The following KHDC1 variants were observed in gnomAD, a reference collection of about 807,000 sequenced individuals.
KHDC1 encodes KH homology domain-containing protein 1.
KHDC1 carries 21 observed loss-of-function variants against 24.7 expected under a neutral mutation model. The ratio of observed to expected loss-of-function variants is 0.85; its 90% CI spans 0.60 to 1.23. The LOEUF is 1.23. Ranked by LOEUF, KHDC1 falls within the 50% of genes most tolerant of loss-of-function variation. KHDC1 has a pLI of 0.00. For missense variants in KHDC1, 274 were observed against 298.5 expected (o/e 0.92, Z 0.61); for synonymous variants, 98 against 111.7 (o/e 0.88, Z 0.77).
At chr6:73,291,930 T>G in intron 2 of KHDC1, 1 of 1,546,580 alleles carries the variant, frequency 6.5e-7, no homozygotes, top group African/African-American at 1.4e-5. Context: ...AAAAATTTAA[T>G]TCTCTAGCAC....
chr6:73,242,876 C>T (rs562690829), intron 2 of KHDC1, among the ~76,000 whole-genome samples: 1 of 152,240 alleles, frequency 6.6e-6, no homozygotes, highest in African/African-American at 2.4e-5. Context: ...CAAGAAGGCT[C>T]CAAATGGGCT....
intron 2 of KHDC1, among the ~76,000 whole-genome samples, chr6:73,286,882 CAA>C (rs34820901): frequency 7.1e-6 from 1 of 141,684 alleles, no homozygotes. Context: ...GACTCTGTCT[CAA>C]AAAAAAAAAA....
intron 2 of KHDC1, among the ~76,000 whole-genome samples, chr6:73,288,183 C>G (rs1767557254): frequency 6.6e-6 from 1 of 152,214 alleles, no homozygotes; most frequent in African/African-American, 2.4e-5. Context: ...CAGACTCAAC[C>G]AAGTGGTGGC....
At chr6:73,263,011 G>A in intron 2 of KHDC1, 2 of 1,017,362 alleles carry the variant, frequency 2.0e-6, no homozygotes, top group South Asian at 3.9e-5. Context: ...AGGGTGGCGC[G>A]CCGCAGGCCT....
intron 2 of KHDC1, among the ~76,000 whole-genome samples, chr6:73,249,326 A>C (rs926749049): frequency 4.6e-5 from 7 of 152,238 alleles, no homozygotes; most frequent in African/African-American, 1.7e-4. Flanking sequence ...ATCTCTGAAA[A>C]ACAACAAAGT....
At chr6:73,302,056 G>A (rs771206743) in intron 1 of KHDC1, among the ~76,000 whole-genome samples, 3 of 152,140 alleles carry the variant, frequency 2.0e-5, no homozygotes, top group Non-Finnish European at 2.9e-5. Context: ...TTGGGAGGCC[G>A]AGGTGGGCAG....
chr6:73,309,783 C>T (rs1768046251), exon 1 of KHDC1: 3 of 1,505,744 alleles, frequency 2.0e-6, no homozygotes, highest in South Asian at 2.5e-5. Context: ...CCCGCCACCG[C>T]AGAGCCCGCC....
chr6:73,248,570 T>C (rs1381991673), intron 2 of KHDC1, among the ~76,000 whole-genome samples: 1 of 152,112 alleles, frequency 6.6e-6, no homozygotes, highest in Non-Finnish European at 1.5e-5. Context: ...GAATATACAA[T>C]CTGAGAAAAT....
chr6:73,252,268 T>C (rs1766792328), intron 2 of KHDC1, among the ~76,000 whole-genome samples: 1 of 152,060 alleles, frequency 6.6e-6, no homozygotes, highest in Non-Finnish European at 1.5e-5. Context: ...GGTCTCTAAC[T>C]TGTGGGCTCA....
intron 1 of KHDC1, among the ~76,000 whole-genome samples, chr6:73,302,007 G>A (rs1767886517): frequency 6.6e-6 from 1 of 152,070 alleles, no homozygotes; most frequent in African/African-American, 2.4e-5. Flanking sequence ...ATTCTGGAAT[G>A]GGCTGGGTGC....
At chr6:73,302,747 G>A (rs917148859) in intron 1 of KHDC1, among the ~76,000 whole-genome samples, 7 of 152,182 alleles carry the variant, frequency 4.6e-5, no homozygotes, top group South Asian at 2.1e-4. Context: ...ATGTCATTAT[G>A]TGATATAGAT....
At position 73,242,472 on chromosome 6, in the gene KHDC1, G is replaced by A. The variant is rs1766591583; in HGVS notation, c.265C>T (p.Leu89=). ...ATTGGTGCATGAAAGTTTTGAGGCAGGGTCCACCACGGCTTCTTGCTGAGA... is the reference window on the plus strand; with the variant it reads ...ATTGGTGCATGAAAGTTTTGAGGCAAGGTCCACCACGGCTTCTTGCTGAGA... Residue 89 remains leucine, a synonymous_variant, in exon 3 of 5, where the codon CTG becomes TTG. Coordinates refer to ENST00000370384, the Ensembl canonical transcript of KHDC1. 3.1e-6 allele frequency: 5 copies of A among 1,614,196 alleles called. No individual in the cohort carries two copies. The East Asian group carries it at 1.1e-4, about 36-fold the overall frequency.
At chr6:73,297,486 T>C (rs1328033101) in intron 1 of KHDC1, among the ~76,000 whole-genome samples, 2 of 152,140 alleles carry the variant, frequency 1.3e-5, no homozygotes, top group Admixed American at 6.5e-5. Context: ...TACACGTCAA[T>C]TCTTACAAGT....
chr6:73,282,961 G>A (rs768427183), intron 2 of KHDC1, among the ~76,000 whole-genome samples: 2 of 152,118 alleles, frequency 1.3e-5, no homozygotes, highest in African/African-American at 2.4e-5. Flanking sequence ...ATTACAATTC[G>A]CCTGTCTTTA....
At chr6:73,256,778 A>C (rs921007108) in intron 2 of KHDC1, among the ~76,000 whole-genome samples, 1 of 152,216 alleles carries the variant, frequency 6.6e-6, no homozygotes, top group African/African-American at 2.4e-5. Context: ...CTTTTAAGAT[A>C]AGTTTCAATA....
At chr6:73,289,853 C>T (rs992885121) in intron 2 of KHDC1, among the ~76,000 whole-genome samples, 1 of 151,848 alleles carries the variant, frequency 6.6e-6, no homozygotes, top group Non-Finnish European at 1.5e-5. Flanking sequence ...GTAATCCCAG[C>T]ACTTTGGGAG....
rs1328019933 is a variant in KHDC1, at chr6:73,306,524, T to C, written c.163+3028A>G. On this transcript the variant is annotated intron_variant, in intron 1 of 4. Transcript: ENST00000370384. ...CCAACCTGGTTTCTGAGAATCTCAC[T>C]CCTGCAACTGAACTGCTTGTGCTAA... is the stretch of plus-strand genomic sequence containing the variant. 2.0e-5 allele frequency among the ~76,000 whole-genome samples: 3 copies of C among 152,164 alleles called. No individual in the cohort carries two copies. In the East Asian group the frequency reaches 5.8e-4, roughly 29 times the overall value.
chr6:73,269,769 T>A (rs968261578), intron 2 of KHDC1: 2 of 152,094 alleles, frequency 1.3e-5, no homozygotes, highest in African/African-American at 4.8e-5. Flanking sequence ...TACTGTTTGT[T>A]GTTGTTGTTG....
At chr6:73,263,861 G>C (rs902807431) in intron 2 of KHDC1, among the ~76,000 whole-genome samples, 1 of 152,198 alleles carries the variant, frequency 6.6e-6, no homozygotes, top group African/African-American at 2.4e-5. Flanking sequence ...TTGGGAAGAA[G>C]ATTCTTTTGT....
Sources: allele counts gnomAD v4.1 joint callset (sites outside exome capture counted in the v4.1 genomes callset), GRCh38; gene constraint gnomAD v4.1.1; transcripts MANE v1.5; gene names NCBI Gene and HGNC (gene_info 2026-07-23, HGNC 2026-07-21).